TCF25: variants seen among roughly 807,000 people sequenced by gnomAD.
The protein encoded by TCF25 is TCF25 ribosome quality control complex subunit.
A neutral mutation model predicts 83.1 loss-of-function variants in TCF25; 41 were observed. The ratio of observed to expected loss-of-function variants is 0.49; its 90% CI spans 0.38 to 0.64. The LOEUF (loss-of-function observed/expected upper bound fraction) is 0.64, where lower values mean the gene tolerates loss of function less well. TCF25 is among the 30% of genes least tolerant of loss of function. The pLI, the probability that TCF25 is intolerant of heterozygous loss-of-function variation, is 0.00. For missense variants in TCF25, 979 were observed against 914.5 expected, an observed-to-expected ratio of 1.07 and a Z score of -0.91; for synonymous variants, 458 against 365.0, an observed-to-expected ratio of 1.25 and a Z score of -2.90.
chr16:89,909,509 C>CAA (rs11356338), intron 16 of TCF25: 1,629 of 63,848 alleles, frequency 0.026, 103 homozygotes, highest in African/African-American at 0.11. Context: ...GACTCCGTCT[C>CAA]AAAAAAAAAA....
chr16:89,907,096 A>C, intron 15 of TCF25, 147 bp from the exon 16 acceptor site: 2 of 826,086 alleles, frequency 2.4e-6, no homozygotes, highest in Admixed American at 2.0e-5. Context: ...TTGGTACAAA[A>C]AGCACAGCCG....
chr16:89,895,228 C>A, intron 8 of TCF25, 91 bp downstream of exon 8: 2 of 1,169,018 alleles, frequency 1.7e-6, no homozygotes, highest in Non-Finnish European at 2.5e-6. Flanking sequence ...ACAGGGGTTG[C>A]CAGGATATCC....
chr16:89,911,003 A>G lies in TCF25; in HGVS notation c.1873-77A>G, dbSNP rs1241772648. 10 of 1,579,952 alleles carry G rather than the reference A, an allele frequency of 6.3e-6. No homozygotes were observed. In the East Asian group the frequency reaches 2.0e-4, roughly 32 times the overall value. ...GGGCAAGGGCCACCTCGGGCTCCAC[A>G]GTGCCTCCTGCTTGGGCCCCGGGCC... is the stretch of plus-strand genomic sequence containing the variant. On this transcript the variant is annotated intron_variant, in intron 17 of 17. Coordinates refer to ENST00000263346, the MANE Select transcript of TCF25 (RefSeq NM_014972.3).
chr16:89,883,779 A>G (rs181539724), intron 2 of TCF25: 99 of 389,846 alleles, frequency 2.5e-4, no homozygotes, highest in African/African-American at 3.7e-4. Context: ...CCTCCTAGCC[A>G]ACCGCGCACG....
chr16:89,890,222 G>GT (rs1290556991), intron 5 of TCF25: 4 of 152,406 alleles, frequency 2.6e-5, no homozygotes, highest in African/African-American at 7.2e-5. Flanking sequence ...CCTAAGTGTT[G>GT]TTTCTGCACC....
At position 89,892,278 on chromosome 16, in the gene TCF25, G is replaced by T; in HGVS notation, c.697+3G>T. On this transcript the variant is annotated splice_donor_region_variant and intron_variant, in intron 6 of 17. Transcript: ENST00000263346. ...CTGGCCCCGCTACAGCAAACCAGGT[G>T]AGGGTCTGCAGATGCTGCTGGGGAT... is the stretch of plus-strand genomic sequence containing the variant. 1.2e-6 allele frequency: 2 copies of T among 1,610,316 alleles called. No homozygotes were observed. Among genetic ancestry groups the T allele is most frequent in the South Asian group, 1.1e-5 (1 of 90,396 alleles).
chr16:89,886,250 A>AC (rs1354745006), intron 4 of TCF25: 1 of 379,082 alleles, frequency 2.6e-6, no homozygotes. Context: ...ACATGGTGAA[A>AC]CCCCCTCTCT....
chr16:89,898,696 C>A lies in TCF25; in HGVS notation c.1115+47C>A, dbSNP rs756333359. The stretch of plus-strand genomic sequence containing the variant: ...AGCCCGTCCACGCTCCCTGTCCTGG[C>A]TGCAGGCCCACTCTCAGCCTGACGA... On this transcript the variant is annotated intron_variant, in intron 10 of 17. Transcript: ENST00000263346. The A allele has an allele frequency of 3.7e-6, 6 of 1,611,724 alleles. No homozygotes were observed. The East Asian group carries it at 1.3e-4, about 36-fold the overall frequency.
In TCF25 at chr16:89,893,738, G is replaced by T. The variant is rs940332728; in HGVS notation, c.708G>T (p.Met236Ile). The change falls in exon 7 of 18, where the codon ATG (methionine) becomes ATT (isoleucine). Residue 236 changes from methionine (M) to isoleucine (I), a missense_variant. Transcript: ENST00000263346. ...WPRYSKPGLSMRLLESKKGLS... is the reference protein window; with the variant it reads ...WPRYSKPGLSIRLLESKKGLS... ...ACTCTCCCCTCCCAGGTCTGTCCAT[G>T]CGGCTGCTGGAATCAAAAAAAGGCC... The T allele has an allele frequency of 6.2e-7, 1 of 1,613,744 alleles. No individual in the cohort carries two copies. Among genetic ancestry groups the T allele is most frequent in the Non-Finnish European group, 8.5e-7 (1 of 1,179,978 alleles).
chr16:89,879,994 T>C lies in TCF25; in HGVS notation c.193-3357T>C, dbSNP rs1306091984. On this transcript the variant is annotated intron_variant, in intron 1 of 17. Coordinates refer to ENST00000263346, the MANE Select transcript of TCF25 (RefSeq NM_014972.3). ...AGGATCCCAGGACTATCACGCGTGC[T>C]GTCCATGTACACAGGCAGGCTCCTG... Among the ~76,000 whole-genome samples the C allele has an allele frequency of 6.6e-5, 10 of 151,546 alleles. 1 individual carries two copies. The highest frequency in any genetic ancestry group is 4.2e-4 in the South Asian group (2 of 4,782).
intron 7 of TCF25, 197 bp downstream of exon 7, chr16:89,894,055 C>T: frequency 3.9e-6 from 3 of 760,816 alleles, no homozygotes; most frequent in Non-Finnish European, 6.2e-6. Flanking sequence ...CAAGCGAGCT[C>T]CATCCATACT....
chr16:89,884,554 A>G lies in TCF25; in HGVS notation c.355-28A>G, dbSNP rs201960368. 28 of 1,608,774 alleles carry G rather than the reference A, an allele frequency of 1.7e-5. No homozygotes were observed. The Admixed American group carries it at 2.5e-4, about 14-fold the overall frequency. ...CTTCTTAAGATTTACTTCTCATTCT[A>G]CTGATGAAAATGTGTTTCTATCATT... is the stretch of plus-strand genomic sequence containing the variant. On this transcript the variant is annotated intron_variant, in intron 2 of 17. Coordinates refer to ENST00000263346, the MANE Select transcript of TCF25 (RefSeq NM_014972.3).
intron 16 of TCF25, among the ~76,000 whole-genome samples, chr16:89,908,626 G>GTTCCTAC (rs2045241142): frequency 9.9e-5 from 1 of 10,106 alleles, no homozygotes. Flanking sequence ...CCACCTCCCA[G>GTTCCTAC]CTCCCACCTC....
At chr16:89,892,403 T>C in intron 6 of TCF25, 128 bp downstream of exon 6, 1 of 1,065,254 alleles carries the variant, frequency 9.4e-7, no homozygotes, top group Non-Finnish European at 1.3e-6. Flanking sequence ...GGGGGGTGTG[T>C]TCTGTGCACT....
Position 89,907,331 on chromosome 16 carries a change from C to G in TCF25, c.1799+9C>G, listed in dbSNP as rs747886360. On this transcript the variant is annotated intron_variant, in intron 16 of 17. Coordinates refer to ENST00000263346, the MANE Select transcript of TCF25 (RefSeq NM_014972.3). ...TACGTCAGGCCAGAGAGGTACCTCC[C>G]TCCTTCCAGTTCCCACCTCCCAGCT... 1 of 1,607,046 alleles carries G rather than the reference C, an allele frequency of 6.2e-7. No homozygotes were observed. Among genetic ancestry groups the G allele is most frequent in the Admixed American group, 1.7e-5 (1 of 59,838 alleles).
rs75862008 is a variant in TCF25, at chr16:89,905,128, G to A, written c.1628+32G>A. On this transcript the variant is annotated intron_variant, in intron 14 of 17. Transcript: ENST00000263346. The stretch of plus-strand genomic sequence containing the variant: ...TAGGGGTTGACACAAGCCCTGCCAC[G>A]CCCCCTCCTCAGGGACCCTCATCCC... 9.8e-3 allele frequency: 15,006 copies of A among 1,535,892 alleles called. 384 individuals carry two copies. Among genetic ancestry groups the A allele is most frequent in the South Asian group, 0.08 (6,349 of 79,282 alleles).
chr16:89,905,406 C>A (rs1358754302), intron 14 of TCF25, among the ~76,000 whole-genome samples: 1 of 152,192 alleles, frequency 6.6e-6, no homozygotes, highest in Non-Finnish European at 1.5e-5. Flanking sequence ...TCTCTCACAG[C>A]AGCATCTTGG....
intron 1 of TCF25, 100 bp downstream of exon 1, chr16:89,873,959 G>C: frequency 8.1e-6 from 11 of 1,361,334 alleles, no homozygotes; most frequent in South Asian, 7.6e-5. Context: ...GTGATGCCAG[G>C]GGTGGGAAGG....
intron 13 of TCF25, 102 bp downstream of exon 13, chr16:89,904,307 C>A: frequency 7.6e-7 from 1 of 1,307,522 alleles, no homozygotes; most frequent in Non-Finnish European, 1.1e-6. Context: ...CTGCTTCCAG[C>A]AGCAGGAGGG....
Sources: gnomAD v4.1 joint callset for allele counts (sites outside exome capture counted in the v4.1 genomes callset) on GRCh38, gnomAD v4.1.1 for gene constraint, MANE v1.5 for transcripts, NCBI Gene and HGNC (gene_info 2026-07-23, HGNC 2026-07-21) for gene names.